Variants in GAS2 observed in about 807,000 individuals in gnomAD.
GAS2 encodes growth arrest specific 2, also known as growth arrest-specific protein 2.
GAS2 carries 20 observed loss-of-function variants against 37.5 expected under a neutral mutation model. The ratio of observed to expected loss-of-function variants is 0.53; its 90% confidence interval spans 0.37 to 0.77. The LOEUF (loss-of-function observed/expected upper bound fraction) is 0.77. Among genes scored for constraint, GAS2 ranks in the 30% least tolerant of loss-of-function variants. The pLI, the probability that GAS2 is intolerant of heterozygous loss-of-function variation, is 0.00. For missense variants in GAS2, 336 were observed against 373.4 expected (o/e 0.90, Z 0.82); for synonymous variants, 144 against 132.2 (o/e 1.09, Z -0.61).
intron 7 of GAS2, among the ~76,000 whole-genome samples, chr11:22,764,561 C>CAAAAAAAAAAA (rs71311297): frequency 4.9e-5 from 3 of 61,600 alleles, no homozygotes; most frequent in East Asian, 4.2e-4. Context: ...GACTCCGTCT[C>CAAAAAAAAAAA]AAAAAAAAAA....
chr11:22,773,523 A>T (rs1855098223), intron 7 of GAS2, among the ~76,000 whole-genome samples: 1 of 150,840 alleles, frequency 6.6e-6, no homozygotes, highest in South Asian at 2.1e-4. Flanking sequence ...CCTCCCGAGT[A>T]GGTGGGACTG....
At position 22,725,892 on chromosome 11, in the gene GAS2, T is replaced by C. The variant is rs565310509; in HGVS notation, c.268-400T>C. Reference sequence around the variant, plus strand: ...TGCAGGTGTATATATGTTATATGTATATCATATTCATATATTTGTATTTCT... The same window carrying C: ...TGCAGGTGTATATATGTTATATGTACATCATATTCATATATTTGTATTTCT... On this transcript the variant is annotated intron_variant, in intron 3 of 7. Coordinates refer to ENST00000454584, the MANE Select transcript of GAS2 (RefSeq NM_001143830.3). Among the ~76,000 whole-genome samples the C allele has an allele frequency of 7.2e-5, 11 of 152,294 alleles. No homozygotes were observed. The South Asian group carries it at 1.2e-3, about 17-fold the overall frequency.
intron 1 of GAS2, among the ~76,000 whole-genome samples, chr11:22,669,420 T>C (rs1186801271): frequency 1.3e-5 from 2 of 152,116 alleles, no homozygotes; most frequent in African/African-American, 2.4e-5. Context: ...AACATGAAAA[T>C]ATAGAAAATC....
chr11:22,694,607 C>T (rs536553175), intron 3 of GAS2, among the ~76,000 whole-genome samples: 1 of 152,140 alleles, frequency 6.6e-6, no homozygotes, highest in African/African-American at 2.4e-5. Context: ...ATTCCTTTAT[C>T]TATATCATAC....
chr11:22,806,075 A>G (rs1449694627), intron 7 of GAS2, among the ~76,000 whole-genome samples: 2 of 152,044 alleles, frequency 1.3e-5, no homozygotes, highest in South Asian at 2.1e-4. Context: ...ATCTCATTCT[A>G]TGACTTAGAA....
At chr11:22,738,361 T>C (rs1852868176) in intron 5 of GAS2, among the ~76,000 whole-genome samples, 1 of 152,194 alleles carries the variant, frequency 6.6e-6, no homozygotes, top group Non-Finnish European at 1.5e-5. Flanking sequence ...TCAGAAATCA[T>C]AGCTAAATAA....
chr11:22,740,969 T>C (rs1343974719), intron 5 of GAS2, among the ~76,000 whole-genome samples: 2 of 152,218 alleles, frequency 1.3e-5, no homozygotes, highest in African/African-American at 4.8e-5. Context: ...TTTTGTGTTT[T>C]TCATCATTGA....
intron 3 of GAS2, among the ~76,000 whole-genome samples, chr11:22,692,659 A>G (rs1052659778): frequency 6.6e-6 from 1 of 152,178 alleles, no homozygotes; most frequent in Admixed American, 6.5e-5. Context: ...ATAACTTTGA[A>G]TAGAATGGGA....
intron 3 of GAS2, among the ~76,000 whole-genome samples, chr11:22,697,300 T>A (rs1850577947): frequency 6.6e-6 from 1 of 152,158 alleles, no homozygotes; most frequent in African/African-American, 2.4e-5. Context: ...TCCATTGGTC[T>A]ATATCTCTGT....
intron 5 of GAS2, among the ~76,000 whole-genome samples, chr11:22,739,465 C>T (rs954340311): frequency 6.8e-6 from 1 of 147,638 alleles, no homozygotes; most frequent in Non-Finnish European, 1.5e-5. Context: ...TCCCAGCTAT[C>T]GGGAGGCTGA....
chr11:22,686,842 GTGTA>G (rs1475943206), intron 3 of GAS2, among the ~76,000 whole-genome samples: 2 of 151,966 alleles, frequency 1.3e-5, no homozygotes, highest in Non-Finnish European at 2.9e-5. Flanking sequence ...AATAAAAGGG[GTGTA>G]TGTGTGTATT....
chr11:22,762,601 A>G (rs953553406), intron 7 of GAS2, among the ~76,000 whole-genome samples: 1 of 152,154 alleles, frequency 6.6e-6, no homozygotes, highest in Non-Finnish European at 1.5e-5. Flanking sequence ...AACCACAGTA[A>G]AGTATTTTTA....
intron 3 of GAS2, among the ~76,000 whole-genome samples, chr11:22,697,023 C>T (rs1051876377): frequency 1.1e-4 from 17 of 151,644 alleles, no homozygotes; most frequent in African/African-American, 3.9e-4. Flanking sequence ...TTGCCCATGC[C>T]TATGTCCTGA....
intron 7 of GAS2, among the ~76,000 whole-genome samples, chr11:22,757,729 C>T (rs896417037): frequency 6.6e-6 from 1 of 152,056 alleles, no homozygotes; most frequent in African/African-American, 2.4e-5. Context: ...TAATTTTTAG[C>T]AAAGATAAAT....
chr11:22,764,786 T>A (rs56036903), intron 7 of GAS2, among the ~76,000 whole-genome samples: 17,275 of 152,114 alleles, frequency 0.11, 1,367 homozygotes, highest in Non-Finnish European at 0.17. Context: ...AAACCAAAAA[T>A]TATTCTTCAT....
At chr11:22,693,540 A>G (rs192514688) in intron 3 of GAS2, among the ~76,000 whole-genome samples, 2 of 152,202 alleles carry the variant, frequency 1.3e-5, no homozygotes, top group Admixed American at 6.5e-5. Flanking sequence ...TGCTTTTTTT[A>G]TTTGGTACTT....
chr11:22,741,694 G>A (rs1243528324), intron 5 of GAS2, among the ~76,000 whole-genome samples: 2 of 152,118 alleles, frequency 1.3e-5, no homozygotes, highest in South Asian at 2.1e-4. Flanking sequence ...ATGATTAACT[G>A]ACCCATCCTA....
chr11:22,647,579 C>A (rs1848716586), intron 1 of GAS2, among the ~76,000 whole-genome samples: 1 of 152,196 alleles, frequency 6.6e-6, no homozygotes, highest in African/African-American at 2.4e-5. Flanking sequence ...TCCTCTCCAG[C>A]ACCTATTGTT....
At chr11:22,675,237 A>G (rs991442743) in intron 2 of GAS2, among the ~76,000 whole-genome samples, 5 of 152,192 alleles carry the variant, frequency 3.3e-5, no homozygotes, top group Admixed American at 6.5e-5. Flanking sequence ...GATGCACTCA[A>G]ATGTGGAAAT....
Sources: allele counts gnomAD v4.1 joint callset (sites outside exome capture counted in the v4.1 genomes callset), GRCh38; gene constraint gnomAD v4.1.1; transcripts MANE v1.5; gene names NCBI Gene and HGNC (gene_info 2026-07-23, HGNC 2026-07-21).